Variants in SEC23IP observed in about 807,000 individuals in gnomAD.
The protein encoded by SEC23IP is SEC23 interacting protein.
SEC23IP carries 70 observed loss-of-function variants against 113.4 expected under a neutral mutation model. The ratio of observed to expected loss-of-function variants is 0.62; its 90% CI spans 0.51 to 0.75. The LOEUF is 0.75. SEC23IP is among the 30% of genes least tolerant of loss of function. The pLI, the probability that SEC23IP is intolerant of heterozygous loss-of-function variation, is 0.00. For synonymous variants in SEC23IP, 398 were observed against 421.0 expected (o/e 0.95, Z 0.67); for missense variants, 1,160 against 1,204.9 (o/e 0.96, Z 0.55).
intron 16 of SEC23IP, 72 bp downstream of exon 16, chr10:119,932,390 T>C: frequency 1.7e-6 from 2 of 1,164,616 alleles, no homozygotes; most frequent in South Asian, 3.0e-5. Context: ...AGTTATATGA[T>C]GATGCATTTC....
intron 4 of SEC23IP, among the ~76,000 whole-genome samples, chr10:119,905,262 T>C (rs1161227417): frequency 6.6e-6 from 1 of 152,218 alleles, no homozygotes; most frequent in African/African-American, 2.4e-5. Context: ...AATAAAGATA[T>C]ATTGTAATTT....
At chr10:119,933,415 T>A (rs1855672563) in intron 17 of SEC23IP, among the ~76,000 whole-genome samples, 1 of 152,078 alleles carries the variant, frequency 6.6e-6, no homozygotes, top group Non-Finnish European at 1.5e-5. Flanking sequence ...ACAGTGGGAG[T>A]GGTAGGGACT....
chr10:119,915,790 A>C lies in SEC23IP; in HGVS notation c.1445A>C (p.His482Pro). Residue 482 changes from histidine to proline, a missense_variant, in exon 8 of 19, where the codon CAT becomes CCT. Physicochemically the swap from His to Pro is moderately conservative, Grantham distance 77. Coordinates refer to ENST00000369075, the MANE Select transcript of SEC23IP (RefSeq NM_007190.4). ...GTTTCTCTCAAATTGCTGCGGACAC[A>C]TTTCAAGAAATCTTTAGATGACGGG... is the stretch of plus-strand genomic sequence containing the variant. ...RVVSLKLLRT[H>P]FKKSLDDGKV... is the part of the protein sequence containing the mutation. The C allele has an allele frequency of 6.2e-7, 1 of 1,602,324 alleles. No homozygotes were observed. Among genetic ancestry groups the C allele is most frequent in the Non-Finnish European group, 8.5e-7 (1 of 1,173,962 alleles).
chr10:119,927,368 C>T (rs1346444808), intron 13 of SEC23IP, among the ~76,000 whole-genome samples: 1 of 152,200 alleles, frequency 6.6e-6, no homozygotes, highest in African/African-American at 2.4e-5. Context: ...TGTTGCCACA[C>T]AGTTCTGCAG....
intron 2 of SEC23IP, among the ~76,000 whole-genome samples, chr10:119,900,494 G>A (rs1854445621): frequency 6.6e-6 from 1 of 151,680 alleles, no homozygotes; most frequent in South Asian, 2.1e-4. Flanking sequence ...TTTATGTTTT[G>A]TAGAAATGAG....
chr10:119,896,727 C>T (rs1417588829), intron 1 of SEC23IP, among the ~76,000 whole-genome samples: 5 of 151,290 alleles, frequency 3.3e-5, no homozygotes, highest in Non-Finnish European at 7.4e-5. Context: ...AAAAGTTTCT[C>T]GGACCAGGTT....
chr10:119,935,722 G>A lies in SEC23IP; in HGVS notation c.*20+1935G>A, dbSNP rs149167997. Reference sequence around the variant, plus strand: ...GAAGGCAGACAGCACGTGGACAGTTGAAATGAACCACATGGTAAAGACTGA... The same window carrying A: ...GAAGGCAGACAGCACGTGGACAGTTAAAATGAACCACATGGTAAAGACTGA... On this transcript the variant is annotated intron_variant, in intron 18 of 18. Coordinates refer to ENST00000369075, the MANE Select transcript of SEC23IP (RefSeq NM_007190.4). 1.9e-3 allele frequency among the ~76,000 whole-genome samples: 283 copies of A among 152,298 alleles called. 1 individual carries two copies. Among genetic ancestry groups the A allele is most frequent in the African/African-American group, 6.5e-3 (271 of 41,572 alleles).
At chr10:119,902,738 G>A (rs1589824408) in intron 2 of SEC23IP, 61 bp from the exon 3 acceptor site, 3 of 1,343,262 alleles carry the variant, frequency 2.2e-6, no homozygotes, top group South Asian at 2.4e-5. Context: ...GTTTGGGTGT[G>A]AAGCATATTC....
chr10:119,933,960 T>A (rs918913816), intron 18 of SEC23IP, among the ~76,000 whole-genome samples, 173 bp downstream of exon 18: 1 of 152,378 alleles, frequency 6.6e-6, no homozygotes, highest in Middle Eastern at 3.4e-3. Flanking sequence ...GTAATTTACA[T>A]TTCTGATTTA....
chr10:119,940,999 A>G lies in SEC23IP; in HGVS notation c.*434A>G, dbSNP rs931824737. The G allele has an allele frequency of 1.3e-5, 2 of 152,200 alleles. No individual in the cohort carries two copies. The highest frequency in any genetic ancestry group is 4.8e-5 in the African/African-American group (2 of 41,446). 9.4% of individuals were successfully genotyped at this position (152,200 alleles called of 1,614,324 possible). A position where few individuals can be genotyped will look rare whatever the true frequency, so the allele number is the denominator to read the frequency against. ...TGCAGTATGTTCTTTTTATTCAAGTATGAACTTGTTGAGAAACTATAGTAA... is the reference window on the plus strand; with the variant it reads ...TGCAGTATGTTCTTTTTATTCAAGTGTGAACTTGTTGAGAAACTATAGTAA... On this transcript the variant is annotated 3_prime_UTR_variant, in exon 19 of 19. Transcript: ENST00000369075.
chr10:119,935,473 C>T (rs927129909), intron 18 of SEC23IP, among the ~76,000 whole-genome samples: 3 of 151,892 alleles, frequency 2.0e-5, no homozygotes, highest in Admixed American at 1.3e-4. Flanking sequence ...AAAAAAAAGA[C>T]AAATGATAGC....
At chr10:119,904,375 C>A in intron 4 of SEC23IP, 98 bp downstream of exon 4, 1 of 1,025,374 alleles carries the variant, frequency 9.8e-7, no homozygotes, top group Non-Finnish European at 1.5e-6. Flanking sequence ...ACTTTACTTA[C>A]AAGACAGCTT....
Position 119,915,726 on chromosome 10 carries a change from CTTTTTTT to C in SEC23IP, c.1403-16_1403-10del. 1 of 1,156,012 alleles carries C rather than the reference CTTTTTTT, an allele frequency of 8.7e-7. No homozygotes were observed. The highest frequency in any genetic ancestry group is 1.2e-6 in the Non-Finnish European group (1 of 851,356). The allele number at this position is 1,156,012 out of a possible 1,614,324, so 71.6% of individuals were successfully genotyped here. A position where few individuals can be genotyped will look rare whatever the true frequency, so the allele number is the denominator to read the frequency against. On this transcript the variant is annotated splice_polypyrimidine_tract_variant and intron_variant, in intron 7 of 18. Transcript: ENST00000369075. ...GCTAGGAGAATTTAATTTATTTTCT[CTTTTTTT>C]TTTTTCTTTTGAAGTGGATGATTTT...
At position 119,902,798 on chromosome 10, in the gene SEC23IP, G is replaced by A; in HGVS notation, c.697-1G>A. On this transcript the variant is annotated splice_acceptor_variant, in intron 2 of 18. Coordinates refer to ENST00000369075, the MANE Select transcript of SEC23IP (RefSeq NM_007190.4). LOFTEE classifies it high-confidence loss of function. ...AGTCTTAACTTTGCCGTCCCCTCCA[G>A]GTTCCTTCTTCAGTGCAGTCACCGG... The A allele has an allele frequency of 6.2e-7, 1 of 1,613,598 alleles. No individual in the cohort carries two copies. The highest frequency in any genetic ancestry group is 8.5e-7 in the Non-Finnish European group (1 of 1,179,836).
chr10:119,913,058 A>G (rs1216320184), intron 6 of SEC23IP, among the ~76,000 whole-genome samples: 1 of 151,800 alleles, frequency 6.6e-6, no homozygotes, highest in Non-Finnish European at 1.5e-5. Flanking sequence ...CCATTAATTG[A>G]CCCCTTTTTA....
chr10:119,927,679 A>G (rs939619615), intron 13 of SEC23IP, among the ~76,000 whole-genome samples: 4 of 152,238 alleles, frequency 2.6e-5, no homozygotes, highest in African/African-American at 9.6e-5. Context: ...ATTTCCAAAT[A>G]AAGTCACATT....
In SEC23IP at chr10:119,933,088, A is replaced by G. The variant is rs762480287; in HGVS notation, c.2842A>G (p.Ile948Val). ...KVGMLNGGRR[I>V]DYVLQEKPIE... is the part of the protein sequence containing the mutation. ...TGGAATGTTAAATGGAGGCCGCCGA[A>G]TTGACTACGTTCTCCAAGAAAAACC... Residue 948 changes from isoleucine to valine, a missense_variant, in exon 17 of 19, where the codon ATT (isoleucine) becomes GTT (valine). Physicochemically the swap from Ile to Val is conservative, Grantham distance 29. Transcript: ENST00000369075. 6.3e-5 allele frequency: 102 copies of G among 1,613,944 alleles called. No homozygotes were observed. The highest frequency in any genetic ancestry group is 8.2e-5 in the Non-Finnish European group (97 of 1,179,878).
At chr10:119,940,175 A>G (rs1408855693) in intron 18 of SEC23IP, among the ~76,000 whole-genome samples, 5 of 146,934 alleles carry the variant, frequency 3.4e-5, no homozygotes, top group African/African-American at 1.3e-4. Flanking sequence ...AAAGTTGAGC[A>G]CTGGATTGTC....
At chr10:119,902,183 C>T (rs1238611219) in intron 2 of SEC23IP, among the ~76,000 whole-genome samples, 1 of 151,978 alleles carries the variant, frequency 6.6e-6, no homozygotes, top group East Asian at 1.9e-4. Context: ...CTGGAGAAAC[C>T]CTGTCTCTAC....
Sources: gnomAD v4.1 joint callset for allele counts (sites outside exome capture counted in the v4.1 genomes callset) on GRCh38, gnomAD v4.1.1 for gene constraint, MANE v1.5 for transcripts, NCBI Gene and HGNC (gene_info 2026-07-23, HGNC 2026-07-21) for gene names.